SPAG16: variants seen among roughly 807,000 people sequenced by gnomAD.
SPAG16 encodes the protein sperm associated antigen 16.
A neutral mutation model predicts 80.4 loss-of-function variants in SPAG16; 86 were observed. That is an observed-to-expected ratio of 1.07 (90% CI 0.90 to 1.28). SPAG16 has a LOEUF of 1.28. Ranked by LOEUF, SPAG16 falls within the 50% of genes most tolerant of loss-of-function variation. The pLI is 0.00. For synonymous variants in SPAG16, 294 were observed against 265.9 expected (o/e 1.11, Z -1.03); for missense variants, 870 against 765.3 (o/e 1.14, Z -1.61).
chr2:213,848,604 C>T (rs767514296), intron 10 of SPAG16, among the ~76,000 whole-genome samples: 1 of 152,170 alleles, frequency 6.6e-6, no homozygotes, highest in African/African-American at 2.4e-5. Context: ...CTGGTTGCCA[C>T]CCCTGAATTC....
At chr2:214,051,989 G>T (rs535637789) in intron 13 of SPAG16, among the ~76,000 whole-genome samples, 1 of 152,118 alleles carries the variant, frequency 6.6e-6, no homozygotes, top group South Asian at 2.1e-4. Context: ...TATGTGATTT[G>T]TAATACTGCA....
chr2:214,231,227 A>C lies in SPAG16; in HGVS notation c.1720+81961A>C, dbSNP rs1006124760. On this transcript the variant is annotated intron_variant, in intron 15 of 15. Transcript: ENST00000331683. ...GCTATTTATTGACTAAAATATTTCA[A>C]ATGCAATCTAGCCTGGAATAGAAAG... Among the ~76,000 whole-genome samples the C allele has an allele frequency of 8.5e-5, 13 of 152,116 alleles. No homozygotes were observed. The South Asian group carries it at 1.5e-3, about 17-fold the overall frequency.
intron 15 of SPAG16, among the ~76,000 whole-genome samples, chr2:214,153,764 T>C (rs2056090057): frequency 6.6e-6 from 1 of 152,186 alleles, no homozygotes; most frequent in Non-Finnish European, 1.5e-5. Flanking sequence ...TAAAGTTATA[T>C]GTAATGCGAT....
At chr2:213,546,524 C>T (rs998590950) in intron 10 of SPAG16, among the ~76,000 whole-genome samples, 8 of 152,048 alleles carry the variant, frequency 5.3e-5, no homozygotes, top group Non-Finnish European at 8.8e-5. Flanking sequence ...TTTAACTCAA[C>T]AAATATTTTA....
chr2:213,405,305 T>A (rs998081202), intron 9 of SPAG16, among the ~76,000 whole-genome samples: 2 of 152,160 alleles, frequency 1.3e-5, no homozygotes, highest in South Asian at 2.1e-4. Flanking sequence ...ATTTAATCCA[T>A]GGAGGAAAAT....
At chr2:213,458,526 C>G (rs754077516) in intron 9 of SPAG16, among the ~76,000 whole-genome samples, 1 of 152,118 alleles carries the variant, frequency 6.6e-6, no homozygotes, top group Non-Finnish European at 1.5e-5. Context: ...GAGCTGAGAT[C>G]GCGCCGCTGC....
intron 15 of SPAG16, among the ~76,000 whole-genome samples, chr2:214,409,502 G>C (rs751668424): frequency 9.9e-5 from 15 of 151,964 alleles, no homozygotes; most frequent in Non-Finnish European, 2.1e-4. Context: ...AATACCCTGT[G>C]CTGTATTTAG....
At chr2:213,637,146 G>A (rs115749371) in intron 10 of SPAG16, among the ~76,000 whole-genome samples, 2,306 of 152,244 alleles carry the variant, frequency 0.015, 37 homozygotes, top group Non-Finnish European at 0.025. Flanking sequence ...TGATTTTGCT[G>A]AGGGTTTAAA....
intron 11 of SPAG16, among the ~76,000 whole-genome samples, chr2:213,894,314 C>T (rs1159132097): frequency 1.3e-5 from 2 of 152,126 alleles, no homozygotes; most frequent in African/African-American, 2.4e-5. Context: ...ATATGTACAT[C>T]ATATTAACAT....
intron 10 of SPAG16, among the ~76,000 whole-genome samples, chr2:213,567,165 CTT>C (rs531916197): frequency 0.14 from 13,095 of 94,900 alleles, 1,133 homozygotes; most frequent in African/African-American, 0.35. Flanking sequence ...AACACAGATT[CTT>C]TTTTTTTTTT....
intron 14 of SPAG16, among the ~76,000 whole-genome samples, chr2:214,125,643 A>G (rs1175375568): frequency 1.3e-5 from 2 of 151,818 alleles, no homozygotes; most frequent in Non-Finnish European, 2.9e-5. Context: ...ATCTGTTTTT[A>G]TAAATCAAAT....
intron 15 of SPAG16, among the ~76,000 whole-genome samples, chr2:214,303,678 C>T (rs1694717427): frequency 6.6e-6 from 1 of 152,066 alleles, no homozygotes; most frequent in East Asian, 1.9e-4. Flanking sequence ...TAGCAAGATC[C>T]GATAAATTTT....
At chr2:213,583,077 T>C (rs2060348887) in intron 10 of SPAG16, among the ~76,000 whole-genome samples, 7 of 152,196 alleles carry the variant, frequency 4.6e-5, no homozygotes, top group Admixed American at 4.6e-4. Flanking sequence ...CTATTTTGCT[T>C]CAGGTATGAC....
chr2:213,389,275 A>G (rs762007241), intron 9 of SPAG16, among the ~76,000 whole-genome samples: 6 of 152,160 alleles, frequency 3.9e-5, no homozygotes, highest in Non-Finnish European at 8.8e-5. Flanking sequence ...CAAAATAATC[A>G]AAGACCTAAA....
intron 11 of SPAG16, among the ~76,000 whole-genome samples, chr2:213,907,614 A>G (rs1575517810): frequency 6.6e-6 from 1 of 152,196 alleles, no homozygotes; most frequent in African/African-American, 2.4e-5. Context: ...TTCACAATAA[A>G]TCAACCTAAA....
intron 15 of SPAG16, among the ~76,000 whole-genome samples, chr2:214,320,287 CT>C (rs1334272794): frequency 1.3e-5 from 2 of 152,152 alleles, no homozygotes; most frequent in African/African-American, 4.8e-5. Context: ...TCTTTTTAAG[CT>C]TTTAGCTCAG....
At chr2:213,306,145 C>T (rs1051501587) in intron 3 of SPAG16, among the ~76,000 whole-genome samples, 1 of 151,852 alleles carries the variant, frequency 6.6e-6, no homozygotes, top group South Asian at 2.1e-4. Flanking sequence ...ATTGTAGCCT[C>T]CAATGATCCT....
intron 10 of SPAG16, among the ~76,000 whole-genome samples, chr2:213,760,521 CAA>C (rs2068597329): frequency 1.5e-5 from 2 of 136,294 alleles, no homozygotes; most frequent in South Asian, 2.4e-4. Flanking sequence ...AAAAAAAAAA[CAA>C]AGATAAATAA....
intron 15 of SPAG16, among the ~76,000 whole-genome samples, chr2:214,386,352 T>C (rs1700750615): frequency 6.6e-6 from 1 of 151,944 alleles, no homozygotes; most frequent in South Asian, 2.1e-4. Context: ...TGAGCCAAGA[T>C]CACACCACTG....
Sources: allele counts gnomAD v4.1 joint callset (sites outside exome capture counted in the v4.1 genomes callset), GRCh38; gene constraint gnomAD v4.1.1; transcripts MANE v1.5; gene names NCBI Gene and HGNC (gene_info 2026-07-23, HGNC 2026-07-21).